The following ZMIZ1 variants were observed in gnomAD, a reference collection of about 807,000 sequenced individuals.
ZMIZ1 encodes zinc finger MIZ domain-containing protein 1.
A neutral mutation model predicts 113.9 loss-of-function variants in ZMIZ1; 17 were observed. The observed-to-expected ratio is 0.15, with a 90% CI of 0.10 to 0.22. The LOEUF is 0.22. Among genes scored for constraint, ZMIZ1 ranks in the 10% least tolerant of loss-of-function variants. The pLI is 1.00. For missense variants in ZMIZ1, 1,059 were observed against 1,477.8 expected (o/e 0.72, Z 4.65); for synonymous variants, 607 against 603.1 (o/e 1.01, Z -0.09).
intron 4 of ZMIZ1, among the ~76,000 whole-genome samples, chr10:79,169,504 C>T (rs943280796): frequency 5.9e-5 from 9 of 152,240 alleles, no homozygotes; most frequent in Non-Finnish European, 1.3e-4. Flanking sequence ...CTGTCCACAG[C>T]CACAGCTCCA....
chr10:79,315,606 C>G lies in ZMIZ1; in HGVS notation c.*2857C>G, dbSNP rs1229254239. 1.3e-5 allele frequency: 2 copies of G among 152,792 alleles called. No individual in the cohort carries two copies. The highest frequency in any genetic ancestry group is 6.5e-5 in the Admixed American group (1 of 15,292). The allele number at this position is 152,792 out of a possible 1,614,324, so 9.5% of individuals were successfully genotyped here. ...TTGGTTTGAAGCTTTATCCATGTATCATGTTCCGTGTAGCCATTTTATTTT... is the reference window on the plus strand; with the variant it reads ...TTGGTTTGAAGCTTTATCCATGTATGATGTTCCGTGTAGCCATTTTATTTT... On this transcript the variant is annotated 3_prime_UTR_variant, in exon 25 of 25. Transcript: ENST00000334512.
In ZMIZ1 at chr10:79,192,007, C is replaced by T. The variant is rs1322937381; in HGVS notation, c.-49-9577C>T. On this transcript the variant is annotated intron_variant, in intron 4 of 24. Coordinates refer to ENST00000334512, the MANE Select transcript of ZMIZ1 (RefSeq NM_020338.4). ...AAACAAAGTGTAGGGGTGTGGCCTCCTTGGGAATGAGAGAAAGCCCAAGGG... is the reference window on the plus strand; with the variant it reads ...AAACAAAGTGTAGGGGTGTGGCCTCTTTGGGAATGAGAGAAAGCCCAAGGG... 2.0e-5 allele frequency among the ~76,000 whole-genome samples: 3 copies of T among 152,298 alleles called. No homozygotes were observed. In the East Asian group the frequency reaches 5.8e-4, roughly 29 times the overall value.
chr10:79,199,018 G>A (rs1280948966), intron 4 of ZMIZ1, among the ~76,000 whole-genome samples: 1 of 147,796 alleles, frequency 6.8e-6, no homozygotes, highest in Non-Finnish European at 1.5e-5. Context: ...GGGCAACAGA[G>A]CGAGACTCAG....
At chr10:79,171,396 G>T (rs1239188917) in intron 4 of ZMIZ1, among the ~76,000 whole-genome samples, 1 of 152,246 alleles carries the variant, frequency 6.6e-6, no homozygotes, top group Non-Finnish European at 1.5e-5. Context: ...CCTGGGCTGG[G>T]AGTCCCACTG....
chr10:79,285,688 A>C (rs947520405), intron 8 of ZMIZ1: 62 of 429,772 alleles, frequency 1.4e-4, no homozygotes, highest in Admixed American at 1.2e-4. Flanking sequence ...CCTGAGCCCT[A>C]TTGGTGTGTG....
intron 4 of ZMIZ1, among the ~76,000 whole-genome samples, chr10:79,185,190 G>A (rs187208489): frequency 1.3e-5 from 2 of 152,274 alleles, no homozygotes; most frequent in African/African-American, 2.4e-5. Context: ...CAGGGAAACC[G>A]GTGTGTTCCC....
At chr10:79,263,847 G>A (rs957045169) in intron 7 of ZMIZ1, among the ~76,000 whole-genome samples, 2 of 152,082 alleles carry the variant, frequency 1.3e-5, no homozygotes, top group African/African-American at 4.8e-5. Context: ...TTGACCCTAG[G>A]GAAGGCCCAG....
intron 2 of ZMIZ1, among the ~76,000 whole-genome samples, chr10:79,128,498 A>G (rs1398181512): frequency 2.0e-5 from 3 of 152,216 alleles, no homozygotes; most frequent in Admixed American, 1.3e-4. Flanking sequence ...TTGTTGCAGA[A>G]TGAATCGCAG....
At chr10:79,183,116 C>T (rs1847190201) in intron 4 of ZMIZ1, among the ~76,000 whole-genome samples, 1 of 152,250 alleles carries the variant, frequency 6.6e-6, no homozygotes, top group Admixed American at 6.5e-5. Context: ...TGCTGGCAGC[C>T]AGAGGGACCT....
intron 3 of ZMIZ1, among the ~76,000 whole-genome samples, chr10:79,146,170 TC>T (rs1845474560): frequency 6.6e-6 from 1 of 152,086 alleles, no homozygotes; most frequent in East Asian, 1.9e-4. Flanking sequence ...CATTTCCCGC[TC>T]CCCACTCTCC....
intron 3 of ZMIZ1, among the ~76,000 whole-genome samples, chr10:79,156,308 C>G (rs956089440): frequency 6.6e-6 from 1 of 152,166 alleles, no homozygotes; most frequent in African/African-American, 2.4e-5. Context: ...TGGGTCCCCA[C>G]GGTGCCAGGT....
intron 4 of ZMIZ1, among the ~76,000 whole-genome samples, chr10:79,189,088 G>T (rs1002645236): frequency 6.6e-6 from 1 of 152,128 alleles, no homozygotes; most frequent in African/African-American, 2.4e-5. Flanking sequence ...TGGGCATCGA[G>T]GCCACTGCTG....
chr10:79,216,145 G>A, intron 6 of ZMIZ1, 24 bp from the exon 7 acceptor site: 1 of 1,461,908 alleles, frequency 6.8e-7, no homozygotes, highest in Non-Finnish European at 9.1e-7. Flanking sequence ...TGACTCACCT[G>A]CCCTCCTCCC....
intron 2 of ZMIZ1, among the ~76,000 whole-genome samples, chr10:79,122,722 A>C (rs1156416099): frequency 6.6e-6 from 1 of 152,148 alleles, no homozygotes; most frequent in South Asian, 2.1e-4. Context: ...GAAAGGCCCT[A>C]TTCCCATTTG....
chr10:79,276,585 G>A (rs1313152531), intron 7 of ZMIZ1, among the ~76,000 whole-genome samples: 10 of 148,382 alleles, frequency 6.7e-5, no homozygotes, highest in Admixed American at 2.0e-4. Context: ...GGGACCAACC[G>A]TGGGTGTGAC....
intron 3 of ZMIZ1, among the ~76,000 whole-genome samples, chr10:79,145,503 G>A (rs1845445222): frequency 6.6e-6 from 1 of 152,112 alleles, no homozygotes; most frequent in Non-Finnish European, 1.5e-5. Flanking sequence ...TGACCTTCCG[G>A]TTAGTTCACA....
chr10:79,155,812 T>G (rs925926840), intron 3 of ZMIZ1, among the ~76,000 whole-genome samples: 2 of 152,222 alleles, frequency 1.3e-5, no homozygotes, highest in Non-Finnish European at 2.9e-5. Flanking sequence ...AAAGCTCTTC[T>G]CCCTAAAAGC....
rs61853195 is a variant in ZMIZ1, at chr10:79,176,130, G to A, written c.-50+13997G>A. 8.4e-3 allele frequency among the ~76,000 whole-genome samples: 1,283 copies of A among 152,066 alleles called. 23 individuals are homozygous for A. The highest frequency in any genetic ancestry group is 0.012 in the Non-Finnish European group (801 of 67,936). Reference sequence around the variant, plus strand: ...AGGGGATGGGGCAGCCACACAGACCGCACGTGTTCCGGAGGCCCAACGGGC... The same window carrying A: ...AGGGGATGGGGCAGCCACACAGACCACACGTGTTCCGGAGGCCCAACGGGC... On this transcript the variant is annotated intron_variant, in intron 4 of 24. Coordinates refer to ENST00000334512, the MANE Select transcript of ZMIZ1 (RefSeq NM_020338.4).
At chr10:79,250,210 T>G (rs1252513664) in intron 7 of ZMIZ1, among the ~76,000 whole-genome samples, 1 of 152,238 alleles carries the variant, frequency 6.6e-6, no homozygotes, top group Non-Finnish European at 1.5e-5. Context: ...GACTGGGTTC[T>G]CTCCACCCAG....
Sources: allele counts gnomAD v4.1 joint callset (sites outside exome capture counted in the v4.1 genomes callset), GRCh38; gene constraint gnomAD v4.1.1; transcripts MANE v1.5; gene names NCBI Gene and HGNC (gene_info 2026-07-23, HGNC 2026-07-21).